The following ROBO1 variants were observed in gnomAD, a reference collection of about 807,000 sequenced individuals.
ROBO1 encodes roundabout homolog 1.
ROBO1 carries 149 observed loss-of-function variants against 195.9 expected under a neutral mutation model. The ratio of observed to expected loss-of-function variants is 0.76; its 90% CI spans 0.67 to 0.87. The LOEUF (loss-of-function observed/expected upper bound fraction) is 0.87. Ranked by LOEUF, ROBO1 falls within the 40% of genes least tolerant of loss-of-function variation. The pLI is 0.00. For synonymous variants in ROBO1, 816 were observed against 733.2 expected, an observed-to-expected ratio of 1.11 and a Z score of -1.82; for missense variants, 1,933 against 2,068.3, an observed-to-expected ratio of 0.93 and a Z score of 1.27.
At chr3:79,607,678 T>C (rs1394892932) in intron 1 of ROBO1, among the ~76,000 whole-genome samples, 1 of 151,830 alleles carries the variant, frequency 6.6e-6, no homozygotes, top group Non-Finnish European at 1.5e-5. Flanking sequence ...CTTAAATTAA[T>C]TTTTTCTGAT....
In ROBO1 at chr3:78,725,766, A is replaced by G. The variant is rs113670110; in HGVS notation, c.658-7883T>C. Among the ~76,000 whole-genome samples, 1,515 of 152,272 alleles carry G rather than the reference A, an allele frequency of 9.9e-3. 16 individuals carry two copies. Among genetic ancestry groups the G allele is most frequent in the Middle Eastern group, 0.034 (10 of 294 alleles). On this transcript the variant is annotated intron_variant, in intron 5 of 30. Coordinates refer to ENST00000464233, the MANE Select transcript of ROBO1 (RefSeq NM_002941.4). The stretch of plus-strand genomic sequence containing the variant: ...CTTTTTTTGTTCAGTTCCCTTTTAA[A>G]ACATAAATTCATAAGTTTTTTGATT...
chr3:78,821,069 T>G (rs2030862239), intron 4 of ROBO1, among the ~76,000 whole-genome samples: 1 of 152,168 alleles, frequency 6.6e-6, no homozygotes, highest in African/African-American at 2.4e-5. Context: ...AAATTCAATC[T>G]TTTAATCTGA....
intron 3 of ROBO1, among the ~76,000 whole-genome samples, chr3:79,012,399 G>A (rs1046893661): frequency 6.6e-6 from 1 of 152,128 alleles, no homozygotes; most frequent in Non-Finnish European, 1.5e-5. Flanking sequence ...ATTAAGCCCA[G>A]ATAGACTATT....
chr3:79,512,438 C>T (rs1316839159), intron 2 of ROBO1, among the ~76,000 whole-genome samples: 1 of 152,140 alleles, frequency 6.6e-6, no homozygotes, highest in East Asian at 1.9e-4. Context: ...ATCTTACATA[C>T]AGTAACTAAT....
intron 1 of ROBO1, among the ~76,000 whole-genome samples, chr3:79,732,473 C>T (rs1401764456): frequency 1.3e-5 from 2 of 152,104 alleles, no homozygotes; most frequent in African/African-American, 4.8e-5. Context: ...AATAAAATTT[C>T]TTCCATGACT....
chr3:78,857,863 T>C (rs1046648563), intron 4 of ROBO1, among the ~76,000 whole-genome samples: 1 of 152,200 alleles, frequency 6.6e-6, no homozygotes, highest in African/African-American at 2.4e-5. Context: ...CCTTTTTCTC[T>C]GAAATCAGTA....
At chr3:78,817,845 A>G (rs2030300543) in intron 4 of ROBO1, among the ~76,000 whole-genome samples, 1 of 152,198 alleles carries the variant, frequency 6.6e-6, no homozygotes, top group African/African-American at 2.4e-5. Context: ...AATCTGGTAA[A>G]TTAAGTAAAA....
At chr3:79,523,893 C>G (rs1361759391) in intron 2 of ROBO1, among the ~76,000 whole-genome samples, 6 of 152,188 alleles carry the variant, frequency 3.9e-5, no homozygotes, top group Non-Finnish European at 7.4e-5. Context: ...ATGTAGTAGA[C>G]ATGACTGCCC....
At chr3:79,022,531 A>G (rs916124275) in intron 3 of ROBO1, among the ~76,000 whole-genome samples, 2 of 152,222 alleles carry the variant, frequency 1.3e-5, no homozygotes, top group Non-Finnish European at 2.9e-5. Flanking sequence ...TGAAATGCTC[A>G]TGGTGTCTGT....
chr3:79,323,712 T>C (rs2034087458), intron 2 of ROBO1, among the ~76,000 whole-genome samples: 1 of 152,218 alleles, frequency 6.6e-6, no homozygotes, highest in African/African-American at 2.4e-5. Context: ...TATACAAATA[T>C]AAATTTATTC....
At chr3:79,042,408 G>A (rs886395812) in intron 3 of ROBO1, among the ~76,000 whole-genome samples, 1 of 152,108 alleles carries the variant, frequency 6.6e-6, no homozygotes, top group Non-Finnish European at 1.5e-5. Context: ...TAAATATTCC[G>A]ATGGCGGTCG....
At chr3:79,704,347 C>G (rs775107871) in intron 1 of ROBO1, among the ~76,000 whole-genome samples, 18 of 152,062 alleles carry the variant, frequency 1.2e-4, no homozygotes, top group Non-Finnish European at 2.4e-4. Flanking sequence ...ATTCATGTCT[C>G]CCATCCCCTC....
chr3:79,330,014 T>C (rs975631598), intron 2 of ROBO1, among the ~76,000 whole-genome samples: 2 of 152,010 alleles, frequency 1.3e-5, no homozygotes, highest in African/African-American at 4.8e-5. Context: ...AATAACCTTA[T>C]ATAATTTTGT....
chr3:78,967,722 A>G (rs2076678525), intron 3 of ROBO1, among the ~76,000 whole-genome samples: 1 of 152,192 alleles, frequency 6.6e-6, no homozygotes, highest in Non-Finnish European at 1.5e-5. Context: ...ATAAATACCA[A>G]CAATCTAAAA....
chr3:79,031,711 A>C (rs1358753498), intron 3 of ROBO1, among the ~76,000 whole-genome samples: 3 of 152,100 alleles, frequency 2.0e-5, no homozygotes, highest in Non-Finnish European at 4.4e-5. Flanking sequence ...AGCAATCATC[A>C]AACATTAATT....
At chr3:79,328,494 A>G (rs1042468804) in intron 2 of ROBO1, among the ~76,000 whole-genome samples, 1 of 152,202 alleles carries the variant, frequency 6.6e-6, no homozygotes, top group African/African-American at 2.4e-5. Flanking sequence ...ATTTGAAGTC[A>G]TGCTTAGGAG....
chr3:79,236,413 G>T (rs145911305), intron 2 of ROBO1, among the ~76,000 whole-genome samples: 10 of 152,178 alleles, frequency 6.6e-5, no homozygotes, highest in African/African-American at 2.2e-4. Context: ...AGGGCATTTT[G>T]TAATTTGTAT....
At chr3:79,686,191 C>T (rs1169397368) in intron 1 of ROBO1, among the ~76,000 whole-genome samples, 1 of 152,298 alleles carries the variant, frequency 6.6e-6, no homozygotes, top group Middle Eastern at 3.4e-3. Flanking sequence ...TAAAAACTCT[C>T]AATAAATTAG....
chr3:79,206,321 G>A (rs1006472201), intron 2 of ROBO1, among the ~76,000 whole-genome samples: 13 of 152,074 alleles, frequency 8.5e-5, no homozygotes, highest in South Asian at 2.1e-4. Context: ...AATTGCCAGC[G>A]TAATAGTCTC....
Sources: gnomAD v4.1 joint callset for allele counts (sites outside exome capture counted in the v4.1 genomes callset) on GRCh38, gnomAD v4.1.1 for gene constraint, MANE v1.5 for transcripts, NCBI Gene and HGNC (gene_info 2026-07-23, HGNC 2026-07-21) for gene names.